Variants in HDAC4 observed in about 807,000 individuals in gnomAD.
The protein encoded by HDAC4 is histone deacetylase A.
A neutral mutation model predicts 135.1 loss-of-function variants in HDAC4; 16 were observed. The ratio of observed to expected loss-of-function variants is 0.12; its 90% CI spans 0.08 to 0.18. The LOEUF (loss-of-function observed/expected upper bound fraction) is 0.18. HDAC4 is among the 10% of genes least tolerant of loss of function. The pLI is 1.00. For synonymous variants in HDAC4, 685 were observed against 653.4 expected (o/e 1.05, Z -0.74); for missense variants, 1,143 against 1,511.8 (o/e 0.76, Z 4.05).
chr2:239,273,663 C>T (rs2050178923), intron 2 of HDAC4, among the ~76,000 whole-genome samples: 1 of 152,186 alleles, frequency 6.6e-6, no homozygotes, highest in Non-Finnish European at 1.5e-5. Context: ...CTGCAACCGC[C>T]AGGTCACCAG....
In HDAC4 at chr2:239,132,788, G is replaced by C. The variant is rs191978080; in HGVS notation, c.1294+1457C>G. ...TGATTTAGAGAAGGAAAGAAGATAA[G>C]TGACAAACATCTCTGACGAAGTGAA... On this transcript the variant is annotated intron_variant, in intron 11 of 26. Transcript: ENST00000543185. Among the ~76,000 whole-genome samples, 346 of 152,350 alleles carry C rather than the reference G, an allele frequency of 2.3e-3. 2 individuals carry two copies. Among genetic ancestry groups the C allele is most frequent in the African/African-American group, 8.0e-3 (331 of 41,580 alleles).
chr2:239,398,114 C>A (rs546011136), intron 1 of HDAC4, among the ~76,000 whole-genome samples: 2 of 152,324 alleles, frequency 1.3e-5, no homozygotes, highest in South Asian at 4.1e-4. Flanking sequence ...GGAGGAAAGC[C>A]CGGCCACAGC....
At chr2:239,122,893 A>T (rs1373644656) in intron 12 of HDAC4, among the ~76,000 whole-genome samples, 1 of 152,212 alleles carries the variant, frequency 6.6e-6, no homozygotes, top group African/African-American at 2.4e-5. Flanking sequence ...GAGGGTTCAC[A>T]GCTGCCAGAG....
At chr2:239,310,946 C>A (rs2052846458) in intron 2 of HDAC4, among the ~76,000 whole-genome samples, 2 of 152,256 alleles carry the variant, frequency 1.3e-5, no homozygotes, top group Admixed American at 6.5e-5. Context: ...CTGACGTTAA[C>A]CTGCTTGAGC....
At chr2:239,271,744 T>C (rs2050072001) in intron 2 of HDAC4, among the ~76,000 whole-genome samples, 1 of 152,168 alleles carries the variant, frequency 6.6e-6, no homozygotes. Context: ...AGACGTGGCC[T>C]CTCTCCTCAG....
intron 3 of HDAC4, among the ~76,000 whole-genome samples, chr2:239,196,607 G>A (rs2045400207): frequency 1.3e-5 from 2 of 152,190 alleles, no homozygotes; most frequent in Admixed American, 6.5e-5. Flanking sequence ...AGCTTCTTCT[G>A]GGGTGAAGCC....
chr2:239,191,393 G>A (rs1559205101), intron 3 of HDAC4, among the ~76,000 whole-genome samples: 1 of 152,198 alleles, frequency 6.6e-6, no homozygotes, highest in Non-Finnish European at 1.5e-5. Context: ...AGGAAAACCT[G>A]CACTCCACAG....
In HDAC4 at chr2:239,307,692, A is replaced by G. The variant is rs779506315; in HGVS notation, c.22+44986T>C. ...CCCTCCTCACTCAGATGACGTTCTCATGACCGCACTTGGTCTAAGCAAATG... is the reference window on the plus strand; with the variant it reads ...CCCTCCTCACTCAGATGACGTTCTCGTGACCGCACTTGGTCTAAGCAAATG... On this transcript the variant is annotated intron_variant, in intron 2 of 26. Transcript: ENST00000543185. This position sits in a 1 kb window ranked among gnomAD's most constrained non-coding sequence, Gnocchi z 4.8. 6.6e-6 allele frequency among the ~76,000 whole-genome samples: 1 copy of G among 152,176 alleles called. No individual in the cohort carries two copies. Among genetic ancestry groups the G allele is most frequent in the Non-Finnish European group, 1.5e-5 (1 of 68,020 alleles).
At position 239,052,840 on chromosome 2, in the gene HDAC4, C is replaced by T. The variant is rs113434154; in HGVS notation, c.*257G>A. 69 of 543,972 alleles carry T rather than the reference C, an allele frequency of 1.3e-4. No homozygotes were observed. The highest frequency in any genetic ancestry group is 5.3e-4 in the South Asian group (24 of 45,258). 33.7% of individuals were successfully genotyped at this position (543,972 alleles called of 1,614,324 possible). A position where few individuals can be genotyped will look rare whatever the true frequency, so the allele number is the denominator to read the frequency against. ...GACCCGCCAGAGTGTGCTTGGCTTCCGCGTGTCCGTGTGTCTGCGCGTCGC... is the reference window on the plus strand; with the variant it reads ...GACCCGCCAGAGTGTGCTTGGCTTCTGCGTGTCCGTGTGTCTGCGCGTCGC... On this transcript the variant is annotated 3_prime_UTR_variant, in exon 27 of 27. Coordinates refer to ENST00000543185, the MANE Select transcript of HDAC4 (RefSeq NM_001378414.1).
chr2:239,221,865 A>G (rs2046975976), intron 3 of HDAC4, among the ~76,000 whole-genome samples: 1 of 152,222 alleles, frequency 6.6e-6, no homozygotes, highest in Non-Finnish European at 1.5e-5. Flanking sequence ...TGAAGCTATC[A>G]CGAACTTTGA....
intron 7 of HDAC4, among the ~76,000 whole-genome samples, chr2:239,147,608 C>T (rs1016735171): frequency 6.6e-6 from 1 of 152,264 alleles, no homozygotes; most frequent in Non-Finnish European, 1.5e-5. Context: ...CTGGATCCCA[C>T]CCCTAAGAGG....
intron 6 of HDAC4, among the ~76,000 whole-genome samples, chr2:239,163,327 GA>G (rs1459833979): frequency 6.6e-6 from 1 of 152,208 alleles, no homozygotes; most frequent in Admixed American, 6.5e-5. Flanking sequence ...TATTGTGGCT[GA>G]AAAATGGCAC....
intron 14 of HDAC4, among the ~76,000 whole-genome samples, chr2:239,109,857 G>A (rs1166772508): frequency 1.3e-5 from 2 of 152,190 alleles, no homozygotes; most frequent in African/African-American, 4.8e-5. Flanking sequence ...AAGGTCACGT[G>A]CGCTAATATT....
chr2:239,082,276 T>C (rs2152688004), intron 20 of HDAC4, 55 bp from the exon 21 acceptor site: 1 of 1,612,056 alleles, frequency 6.2e-7, no homozygotes. Flanking sequence ...GAGGGTGGCC[T>C]CCCCTGAGGG....
chr2:239,202,651 C>T (rs930391456), intron 3 of HDAC4, among the ~76,000 whole-genome samples: 3 of 152,034 alleles, frequency 2.0e-5, no homozygotes, highest in Non-Finnish European at 2.9e-5. Context: ...ACCCTCCACG[C>T]GGGAGGGGCG....
intron 2 of HDAC4, among the ~76,000 whole-genome samples, chr2:239,304,646 T>C (rs1172784494): frequency 6.6e-6 from 1 of 152,148 alleles, no homozygotes; most frequent in African/African-American, 2.4e-5. Flanking sequence ...CCAGGTCCTG[T>C]AAACACTACC....
rs1008221137 is a variant in HDAC4 at position 239,309,220 on chromosome 2, C to G, written c.22+43458G>C. On this transcript the variant is annotated intron_variant, in intron 2 of 26. Transcript: ENST00000543185. This position sits in a 1 kb window ranked among gnomAD's most constrained non-coding sequence, Gnocchi z 4.2. ...CTCGCTGGGGAAGAATTCAGCCGCT[C>G]CACCCTGACATCTGGTTTCTATTTC... is the stretch of plus-strand genomic sequence containing the variant. 1 of 152,098 alleles carries G rather than the reference C, an allele frequency of 6.6e-6. No individual in the cohort carries two copies. Among genetic ancestry groups the G allele is most frequent in the African/African-American group, 2.4e-5 (1 of 41,404 alleles). 9.4% of individuals were successfully genotyped at this position (152,098 alleles called of 1,614,324 possible). A position where few individuals can be genotyped will look rare whatever the true frequency, so the allele number is the denominator to read the frequency against.
chr2:239,063,024 T>C (rs548564022), intron 24 of HDAC4, among the ~76,000 whole-genome samples: 3 of 152,228 alleles, frequency 2.0e-5, no homozygotes, highest in South Asian at 4.2e-4. Flanking sequence ...ACCTTGGCCA[T>C]TGCCTGCTGT....
intron 1 of HDAC4, among the ~76,000 whole-genome samples, chr2:239,386,231 G>C (rs1695800022): frequency 6.6e-6 from 1 of 152,100 alleles, no homozygotes; most frequent in African/African-American, 2.4e-5. Flanking sequence ...TGCTGCTGGG[G>C]CTGGGGCGGC....
Sources: gnomAD v4.1 joint callset for allele counts (sites outside exome capture counted in the v4.1 genomes callset) on GRCh38, gnomAD v4.1.1 for gene constraint, Gnocchi (gnomAD v3.1) non-coding constraint, MANE v1.5 for transcripts, NCBI Gene and HGNC (gene_info 2026-07-23, HGNC 2026-07-21) for gene names.